ADGRB3: variants seen among roughly 807,000 people sequenced by gnomAD.
ADGRB3 encodes the protein brain-specific angiogenesis inhibitor 3.
In ADGRB3, 37 loss-of-function variants were observed where a neutral mutation model predicts 193.4. That is an observed-to-expected ratio of 0.19 (90% CI 0.15 to 0.25). The LOEUF (loss-of-function observed/expected upper bound fraction) is 0.25, where lower values mean the gene tolerates loss of function less well. ADGRB3 is among the 10% of genes least tolerant of loss of function. ADGRB3 has a pLI of 1.00. For synonymous variants in ADGRB3, 690 were observed against 644.2 expected (o/e 1.07, Z -1.08); for missense variants, 1,637 against 1,852.9 (o/e 0.88, Z 2.14).
intron 3 of ADGRB3, among the ~76,000 whole-genome samples, chr6:68,896,424 GA>G: frequency 6.6e-6 from 1 of 152,112 alleles, no homozygotes; most frequent in Non-Finnish European, 1.5e-5. Context: ...TTATAGAGGA[GA>G]AAAATAGCTG....
At chr6:68,906,126 G>A (rs1420240116) in intron 3 of ADGRB3, among the ~76,000 whole-genome samples, 1 of 151,404 alleles carries the variant, frequency 6.6e-6, no homozygotes, top group East Asian at 1.9e-4. Context: ...AATGTAGCAG[G>A]AGCTTTTTTG....
intron 26 of ADGRB3, among the ~76,000 whole-genome samples, chr6:69,340,913 C>T (rs1359401108): frequency 1.3e-5 from 2 of 152,152 alleles, no homozygotes; most frequent in Admixed American, 1.3e-4. Flanking sequence ...TGGTTTCCAA[C>T]TTCATCCATG....
chr6:69,334,320 T>G (rs1172263065), intron 24 of ADGRB3, among the ~76,000 whole-genome samples: 1 of 152,244 alleles, frequency 6.6e-6, no homozygotes, highest in Admixed American at 6.5e-5. Flanking sequence ...ATAACCTATG[T>G]AATGATTTAT....
intron 3 of ADGRB3, among the ~76,000 whole-genome samples, chr6:68,811,856 G>A (rs1034803362): frequency 6.6e-6 from 1 of 152,036 alleles, no homozygotes; most frequent in African/African-American, 2.4e-5. Flanking sequence ...ATATGATAGA[G>A]AGATATAGAT....
chr6:68,913,407 C>G (rs1239996041), intron 3 of ADGRB3, among the ~76,000 whole-genome samples: 1 of 151,884 alleles, frequency 6.6e-6, no homozygotes, highest in Non-Finnish European at 1.5e-5. Context: ...TGTTCTGCAG[C>G]CACCGCTGCT....
At chr6:69,098,141 A>G (rs1381361928) in intron 17 of ADGRB3, among the ~76,000 whole-genome samples, 1 of 152,160 alleles carries the variant, frequency 6.6e-6, no homozygotes, top group African/African-American at 2.4e-5. Flanking sequence ...GAGTTTTACT[A>G]CTTTGATCAT....
intron 3 of ADGRB3, among the ~76,000 whole-genome samples, chr6:68,707,194 C>T (rs1009405471): frequency 2.0e-5 from 3 of 151,180 alleles, no homozygotes; most frequent in African/African-American, 7.3e-5. Flanking sequence ...ATTTAAAAGT[C>T]ATCTTTTCAT....
At chr6:68,670,134 A>G (rs191791504) in intron 3 of ADGRB3, among the ~76,000 whole-genome samples, 23 of 151,836 alleles carry the variant, frequency 1.5e-4, no homozygotes, top group Admixed American at 1.5e-3. Flanking sequence ...TTTTTCTTAT[A>G]TAGTTGTTTG....
chr6:69,137,710 T>A (rs1044290742), intron 17 of ADGRB3, among the ~76,000 whole-genome samples: 16 of 152,016 alleles, frequency 1.1e-4, no homozygotes, highest in African/African-American at 3.9e-4. Context: ...GGTAGGAGAA[T>A]CACTTGAACC....
chr6:69,246,562 C>T (rs1766502298), intron 20 of ADGRB3, among the ~76,000 whole-genome samples: 2 of 152,174 alleles, frequency 1.3e-5, no homozygotes, highest in South Asian at 2.1e-4. Flanking sequence ...ATAGCAGAGA[C>T]TCTGTTGTCC....
chr6:69,210,129 T>C (rs1765626589), intron 17 of ADGRB3, among the ~76,000 whole-genome samples: 1 of 104,544 alleles, frequency 9.6e-6, no homozygotes, highest in Non-Finnish European at 2.0e-5. Context: ...CACTCATATA[T>C]ATCATATATT....
intron 17 of ADGRB3, among the ~76,000 whole-genome samples, chr6:69,187,379 C>T (rs1290838210): frequency 6.6e-6 from 1 of 152,120 alleles, no homozygotes; most frequent in Non-Finnish European, 1.5e-5. Flanking sequence ...TCGTATAAGA[C>T]TTTCTGGTGA....
At chr6:69,332,742 T>G (rs1768755863) in intron 23 of ADGRB3, 181 bp from the exon 24 acceptor site, 1 of 985,322 alleles carries the variant, frequency 1.0e-6, no homozygotes, top group Non-Finnish European at 1.2e-6. Flanking sequence ...AACTTTAAAG[T>G]AGCACACCAC....
At chr6:68,772,882 CAAAAAA>C (rs763967322) in intron 3 of ADGRB3, among the ~76,000 whole-genome samples, 141 of 23,890 alleles carry the variant, frequency 5.9e-3, no homozygotes, top group Non-Finnish European at 7.7e-3. Flanking sequence ...AACAAACAAA[CAAAAAA>C]AAAAAAATAT....
At chr6:69,226,826 C>A (rs972701488) in intron 17 of ADGRB3, among the ~76,000 whole-genome samples, 1 of 152,188 alleles carries the variant, frequency 6.6e-6, no homozygotes, top group African/African-American at 2.4e-5. Flanking sequence ...AGTCTCTCAT[C>A]CTCAGTAGGG....
intron 3 of ADGRB3, among the ~76,000 whole-genome samples, chr6:68,735,894 C>G (rs1218436195): frequency 6.6e-6 from 1 of 152,118 alleles, no homozygotes; most frequent in East Asian, 1.9e-4. Flanking sequence ...TATAGAGCAG[C>G]AATCACTGAG....
chr6:68,925,299 C>T (rs1191305456), intron 3 of ADGRB3, among the ~76,000 whole-genome samples: 2 of 151,916 alleles, frequency 1.3e-5, no homozygotes, highest in African/African-American at 2.4e-5. Context: ...AAATATCTCC[C>T]AACTACAGTA....
chr6:69,361,095 T>C lies in ADGRB3; in HGVS notation c.3822T>C (p.Asn1274=). ...GCAATCCATGTTTGAAAAAAGAAAATAGTGAATTGCGGAGAACTGTGTACT... is the reference window on the plus strand; with the variant it reads ...GCAATCCATGTTTGAAAAAAGAAAACAGTGAATTGCGGAGAACTGTGTACT... ...ELSNPCLKKE[N]SELRRTVYLC... The change falls in exon 29 of 32, where the codon AAT becomes AAC. Residue 1274 remains asparagine (N), a synonymous_variant. Coordinates refer to ENST00000370598, the MANE Select transcript of ADGRB3 (RefSeq NM_001704.3). 2 of 1,612,614 alleles carry C rather than the reference T, an allele frequency of 1.2e-6. No homozygotes were observed. Among genetic ancestry groups the C allele is most frequent in the Non-Finnish European group, 1.7e-6 (2 of 1,179,186 alleles).
chr6:68,842,013 G>T (rs1768168504), intron 3 of ADGRB3, among the ~76,000 whole-genome samples: 1 of 151,936 alleles, frequency 6.6e-6, no homozygotes, highest in South Asian at 2.1e-4. Context: ...GTAACTGAAA[G>T]AGTATAATTG....
Sources: allele counts gnomAD v4.1 joint callset (sites outside exome capture counted in the v4.1 genomes callset), GRCh38; gene constraint gnomAD v4.1.1; transcripts MANE v1.5; gene names NCBI Gene and HGNC (gene_info 2026-07-23, HGNC 2026-07-21).